The following TBC1D25 variants were observed in gnomAD, a reference collection of about 807,000 sequenced individuals.
The protein encoded by TBC1D25 is 5SN3 snoRNA.
A neutral mutation model predicts 38.8 loss-of-function variants in TBC1D25; 13 were observed. The ratio of observed to expected loss-of-function variants is 0.34; its 90% CI spans 0.22 to 0.53. The LOEUF is 0.53. Ranked by LOEUF, TBC1D25 falls within the 20% of genes least tolerant of loss-of-function variation. The pLI is 0.94. For synonymous variants in TBC1D25, 225 were observed against 255.6 expected (o/e 0.88, Z 1.14); for missense variants, 372 against 600.0 (o/e 0.62, Z 3.97).
At position 48,562,314 on chromosome X, in the gene TBC1D25, T is replaced by A; in HGVS notation, c.*1339T>A. ...AGATGAGGAGGCATCAGGGCAGTCATCCCTTCTGCTGTTTGCCCCAAGAAT... is the reference window on the plus strand; with the variant it reads ...AGATGAGGAGGCATCAGGGCAGTCAACCCTTCTGCTGTTTGCCCCAAGAAT... On this transcript the variant is annotated 3_prime_UTR_variant, in exon 6 of 6. Coordinates refer to ENST00000376771, the MANE Select transcript of TBC1D25 (RefSeq NM_002536.4). 1 of 111,845 alleles carries A rather than the reference T, an allele frequency of 8.9e-6. No individual in the cohort carries two copies. Among genetic ancestry groups the A allele is most frequent in the Non-Finnish European group, 1.9e-5 (1 of 53,148 alleles). The allele number at this position is 111,845 out of a possible 1,213,427, so 9.2% of individuals were successfully genotyped here. A position where few individuals can be genotyped will look rare whatever the true frequency, so the allele number is the denominator to read the frequency against.
intron 2 of TBC1D25, among the ~76,000 whole-genome samples, chrX:48,543,874 A>G (rs1477264653): frequency 1.3e-5 from 1 of 79,210 alleles, no homozygotes; most frequent in East Asian, 4.1e-4. Flanking sequence ...ACAGAGTGAG[A>G]CTCCGTCTCA....
chrX:48,544,619 C>T (rs1276237921), intron 2 of TBC1D25, among the ~76,000 whole-genome samples: 1 of 111,556 alleles, frequency 9.0e-6, no homozygotes, highest in Non-Finnish European at 1.9e-5. Context: ...CTGCACCCGG[C>T]CAACATTTTA....
intron 3 of TBC1D25, among the ~76,000 whole-genome samples, chrX:48,555,606 A>T (rs1242541316): frequency 9.0e-6 from 1 of 111,207 alleles, no homozygotes; most frequent in Non-Finnish European, 1.9e-5. Flanking sequence ...AGACACAGAG[A>T]CAAAGTATAG....
At position 48,539,856 on chromosome X, in the gene TBC1D25, T is replaced by C. The variant is rs781997881; in HGVS notation, c.59T>C (p.Val20Ala). Residue 20 changes from valine to alanine, a missense_variant, in exon 1 of 6, where the codon GTG (valine) becomes GCG (alanine). Physicochemically the swap from Val to Ala is moderately conservative, Grantham distance 64 (BLOSUM62 0). Transcript: ENST00000376771. ...GGCTCCGGAGCGCCCCCGCCCGGTG[T>C]GGGAGCTCAGGCGGCGGCGGCCGCT... Reference protein sequence around the residue: ...LSGSGAPPPGVGAQAAAAAEE... With the variant: ...LSGSGAPPPGAGAQAAAAAEE... The C allele has an allele frequency of 3.9e-5, 38 of 968,169 alleles. No individual in the cohort carries two copies. The highest frequency in any genetic ancestry group is 4.7e-5 in the Non-Finnish European group (36 of 769,704). The allele number at this position is 968,169 out of a possible 1,213,427, so 79.8% of individuals were successfully genotyped here.
chrX:48,557,646 A>G (rs1417241541), intron 3 of TBC1D25, among the ~76,000 whole-genome samples: 1 of 108,848 alleles, frequency 9.2e-6, no homozygotes, highest in Non-Finnish European at 1.9e-5. Flanking sequence ...TCCGCCTCAA[A>G]AAAAAAAAAA....
Position 48,560,400 on chromosome X carries a change from G to T in TBC1D25, c.1492G>T (p.Gly498Trp). 1 of 1,211,348 alleles carries T rather than the reference G, an allele frequency of 8.3e-7. No individual in the cohort carries two copies. Among genetic ancestry groups the T allele is most frequent in the Non-Finnish European group, 1.1e-6 (1 of 895,315 alleles). ...CACAGCCAGTCAGGGGCCTGGTGGT[G>T]GGGGGCGTCTCCTGAGACAGGCCAG... is the stretch of plus-strand genomic sequence containing the variant. ...LATASQGPGGGGRLLRQASLD... is the reference protein window; with the variant it reads ...LATASQGPGGWGRLLRQASLD... Residue 498 changes from glycine (G) to tryptophan (W), a missense_variant, in exon 6 of 6, where the codon GGG becomes TGG. Gly to Trp is a radical substitution (Grantham distance 184). This residue lies in a region of TBC1D25 where 312 missense variants were observed against 549.3 expected (regional missense o/e 0.57). Coordinates refer to ENST00000376771, the MANE Select transcript of TBC1D25 (RefSeq NM_002536.4).
chrX:48,550,016 T>C (rs2061916917), intron 3 of TBC1D25, among the ~76,000 whole-genome samples: 1 of 108,809 alleles, frequency 9.2e-6, no homozygotes, highest in Admixed American at 9.9e-5. Context: ...GACGAAGTTT[T>C]ACTCTTATCG....
chrX:48,543,883 CAAA>C (rs56088321), intron 2 of TBC1D25, among the ~76,000 whole-genome samples: 1 of 72,692 alleles, frequency 1.4e-5, no homozygotes, highest in Non-Finnish European at 2.7e-5. Flanking sequence ...GACTCCGTCT[CAAA>C]AAAAAAAAAA....
At chrX:48,551,120 G>A (rs1198654946) in intron 3 of TBC1D25, among the ~76,000 whole-genome samples, 2 of 111,518 alleles carry the variant, frequency 1.8e-5, no homozygotes, top group African/African-American at 3.3e-5. Context: ...AAGGAAATGC[G>A]CGTATCATGA....
intron 2 of TBC1D25, among the ~76,000 whole-genome samples, chrX:48,544,098 T>C (rs2061863968): frequency 9.0e-6 from 1 of 111,662 alleles, no homozygotes; most frequent in African/African-American, 3.3e-5. Context: ...TACACAATTG[T>C]TGGGTATTTA....
At chrX:48,549,938 A>C (rs2061915900) in intron 3 of TBC1D25, among the ~76,000 whole-genome samples, 1 of 112,218 alleles carries the variant, frequency 8.9e-6, no homozygotes, top group Admixed American at 9.5e-5. Context: ...AAGCAGACCT[A>C]GCTTTAAAAA....
At chrX:48,542,026 C>CTTTTTTTTTTT (rs782768482) in intron 2 of TBC1D25, among the ~76,000 whole-genome samples, 1 of 87,861 alleles carries the variant, frequency 1.1e-5, no homozygotes, top group African/African-American at 4.4e-5. Flanking sequence ...CTTTTTATTT[C>CTTTTTTTTTTT]TTTTTTTTTT....
intron 1 of TBC1D25, 37 bp downstream of exon 1, chrX:48,539,957 A>C (rs1368920030): frequency 1.1e-6 from 1 of 946,358 alleles, no homozygotes; most frequent in Non-Finnish European, 1.3e-6. Flanking sequence ...CCGCCGAGGC[A>C]TCCCAGGGGA....
chrX:48,545,204 A>G (rs2061873579), intron 3 of TBC1D25, among the ~76,000 whole-genome samples, 181 bp downstream of exon 3: 1 of 112,041 alleles, frequency 8.9e-6, no homozygotes, highest in Non-Finnish European at 1.9e-5. Flanking sequence ...GTATCTTAGA[A>G]CCATTGTGAG....
rs1205682471 is a variant in TBC1D25, at chrX:48,541,362, C to A, written c.153C>A (p.Phe51Leu). 30 of 1,210,113 alleles carry A rather than the reference C, an allele frequency of 2.5e-5. No individual in the cohort carries two copies. Among genetic ancestry groups the A allele is most frequent in the Non-Finnish European group, 3.0e-5 (27 of 895,304 alleles). The change falls in exon 2 of 6, where the codon TTC (phenylalanine) becomes TTA (leucine). Residue 51 changes from phenylalanine (F) to leucine (L), a missense_variant. By Grantham distance (22) the Phe-to-Leu change is conservative. Around this residue, in one of 2 missense-constraint regions of TBC1D25, gnomAD observed 60 missense variants for 50.7 expected, o/e 1.18. Coordinates refer to ENST00000376771, the MANE Select transcript of TBC1D25 (RefSeq NM_002536.4). ...KKCESFLPPE[F>L]RSFAVDPQIT... ...GTGAGAGCTTCTTGCCGCCAGAGTTCCGCTCTTTTGCTGTAGATCCCCAGA... is the reference window on the plus strand; with the variant it reads ...GTGAGAGCTTCTTGCCGCCAGAGTTACGCTCTTTTGCTGTAGATCCCCAGA...
chrX:48,559,559 T>A, intron 5 of TBC1D25, 55 bp from the exon 6 acceptor site: 1 of 1,173,574 alleles, frequency 8.5e-7, no homozygotes, highest in South Asian at 2.0e-5. Context: ...CTGATAGACA[T>A]TGGGGTATGG....
rs782005274 is a variant in TBC1D25, at chrX:48,560,331, G to A, written c.1423G>A (p.Gly475Ser). 2.5e-6 allele frequency: 3 copies of A among 1,209,820 alleles called. No homozygotes were observed. In the East Asian group the frequency reaches 8.9e-5, roughly 36 times the overall value. The change falls in exon 6 of 6, where the codon GGT (glycine) becomes AGT (serine). Residue 475 changes from glycine to serine, a missense_variant. Gly to Ser is a moderately conservative substitution (Grantham distance 56). Around this residue, in one of 2 missense-constraint regions of TBC1D25, gnomAD observed 312 missense variants for 549.3 expected, o/e 0.57. Transcript: ENST00000376771. The stretch of plus-strand genomic sequence containing the variant: ...ACAGAGGCACATGCTGAGGCCTGCT[G>A]GTGGAGGAGGTAGTACCTTTGAAGA... ...VRQRHMLRPA[G>S]GGGSTFEDAV...
rs1448739122 is a variant in TBC1D25 at position 48,562,488 on chromosome X, T to C, written c.*1513T>C. 2 of 111,667 alleles carry C rather than the reference T, an allele frequency of 1.8e-5. No individual in the cohort carries two copies. Among genetic ancestry groups the C allele is most frequent in the Non-Finnish European group, 3.8e-5 (2 of 53,075 alleles). The allele number at this position is 111,667 out of a possible 1,213,427, so 9.2% of individuals were successfully genotyped here. A position where few individuals can be genotyped will look rare whatever the true frequency, so the allele number is the denominator to read the frequency against. On this transcript the variant is annotated 3_prime_UTR_variant, in exon 6 of 6. Coordinates refer to ENST00000376771, the MANE Select transcript of TBC1D25 (RefSeq NM_002536.4). ...AGGGGGCTCAAGCACTGTGTGTGGG[T>C]CTAACGAATGCATTTTGTGGAAATG... is the stretch of plus-strand genomic sequence containing the variant.
chrX:48,553,439 T>C (rs2061950486), intron 3 of TBC1D25, among the ~76,000 whole-genome samples: 1 of 107,680 alleles, frequency 9.3e-6, no homozygotes, highest in Non-Finnish European at 1.9e-5. Flanking sequence ...TGTACTGTCT[T>C]GGCTGGGTGT....
Sources: allele counts gnomAD v4.1 joint callset (sites outside exome capture counted in the v4.1 genomes callset), GRCh38; gene constraint gnomAD v4.1.1; regional missense constraint gnomAD v4.1.1; transcripts MANE v1.5; gene names NCBI Gene and HGNC (gene_info 2026-07-23, HGNC 2026-07-21).